Variants in MANSC1 observed in about 807,000 individuals in gnomAD.
MANSC1 encodes the protein MANSC domain-containing protein 1.
MANSC1 carries 13 observed loss-of-function variants against 14.1 expected under a neutral mutation model. That is an observed-to-expected ratio of 0.92 (90% CI 0.60 to 1.46). MANSC1 has a LOEUF of 1.46. MANSC1 is among the 40% of genes most tolerant of loss of function. The pLI is 0.00. For synonymous variants in MANSC1, 227 were observed against 200.7 expected, an observed-to-expected ratio of 1.13 and a Z score of -1.11; for missense variants, 486 against 511.4, an observed-to-expected ratio of 0.95 and a Z score of 0.48.
chr12:12,330,637 G>A lies in MANSC1; in HGVS notation c.686C>T (p.Thr229Met), dbSNP rs756359425. ...GGTATGTGGAGAAGCAACTGCCACC[G>A]TAGCTGGGAGCGCACTCACATTTTC... ...LPENVSALPA[T>M]VAVASPHTTS... Residue 229 changes from threonine to methionine, a missense_variant, in exon 4 of 4, where the codon ACG becomes ATG. By Grantham distance (81) the Thr-to-Met change is moderately conservative. Coordinates refer to ENST00000535902, the MANE Select transcript of MANSC1 (RefSeq NM_018050.4). 29 of 1,614,144 alleles carry A rather than the reference G, an allele frequency of 1.8e-5. No individual in the cohort carries two copies. Among genetic ancestry groups the A allele is most frequent in the South Asian group, 9.9e-5 (9 of 91,092 alleles).
Position 12,330,007 on chromosome 12 carries a change from A to C in MANSC1, c.*20T>G. 1 of 1,598,186 alleles carries C rather than the reference A, an allele frequency of 6.3e-7. No homozygotes were observed. Among genetic ancestry groups the C allele is most frequent in the Non-Finnish European group, 8.5e-7 (1 of 1,169,942 alleles). ...GGGCTTCTGGTTACTAAATGAATTA[A>C]GAGACACCGAGTTCCATCCTTAGAT... On this transcript the variant is annotated 3_prime_UTR_variant, in exon 4 of 4. Transcript: ENST00000535902.
intron 1 of MANSC1, among the ~76,000 whole-genome samples, chr12:12,344,934 T>TATATATATATATAC (rs1862988669): frequency 2.8e-5 from 2 of 72,502 alleles, no homozygotes; most frequent in Admixed American, 1.3e-4. Flanking sequence ...TATATATATA[T>TATATATATATATAC]ATATATATAT....
At chr12:12,349,517 C>A (rs1186009398) in intron 1 of MANSC1, among the ~76,000 whole-genome samples, 4 of 152,064 alleles carry the variant, frequency 2.6e-5, no homozygotes, top group Non-Finnish European at 5.9e-5. Flanking sequence ...GGCCTGAAGT[C>A]GAGTTGAATC....
At chr12:12,342,998 G>T in intron 2 of MANSC1, 94 bp downstream of exon 2, 1 of 862,518 alleles carries the variant, frequency 1.2e-6, no homozygotes, top group Non-Finnish European at 1.9e-6. Context: ...ATACCCTGTC[G>T]AGAATCACTG....
chr12:12,338,890 A>AACACACACACACACACACACACACAC (rs56183211), intron 2 of MANSC1: 19 of 193,016 alleles, frequency 9.8e-5, no homozygotes, highest in African/African-American at 2.0e-4. Context: ...CACACACACA[A>AACACACACACACACACACACACACAC]ACACACACAC....
rs558033473 is a variant in MANSC1 at position 12,343,362 on chromosome 12, C to T, written c.-48G>A. ...GTCTTCAAAGGTCAAGGATAATCCT[C>T]CCTCTGGTCTTAGTTTGCTTTAAGA... On this transcript the variant is annotated 5_prime_UTR_variant, in exon 2 of 4. Transcript: ENST00000535902. 1 of 1,364,600 alleles carries T rather than the reference C, an allele frequency of 7.3e-7. No individual in the cohort carries two copies. The highest frequency in any genetic ancestry group is 1.2e-5 in the South Asian group (1 of 84,134). 84.5% of individuals were successfully genotyped at this position (1,364,600 alleles called of 1,614,324 possible). A position where few individuals can be genotyped will look rare whatever the true frequency, so the allele number is the denominator to read the frequency against.
At position 12,326,160 on chromosome 12, in the gene MANSC1, C is replaced by G. The variant is rs1862696233; in HGVS notation, c.*3867G>C. 1 of 152,170 alleles carries G rather than the reference C, an allele frequency of 6.6e-6. No homozygotes were observed. Among genetic ancestry groups the G allele is most frequent in the African/African-American group, 2.4e-5 (1 of 41,434 alleles). The allele number at this position is 152,170 out of a possible 1,614,324, so 9.4% of individuals were successfully genotyped here. On this transcript the variant is annotated 3_prime_UTR_variant, in exon 4 of 4. Transcript: ENST00000535902. ...TAACCAAGGCATCCCGGAGACTGGA[C>G]TCTTCCTGTACCCACTGCCACGCTC... is the stretch of plus-strand genomic sequence containing the variant.
At position 12,343,301 on chromosome 12, in the gene MANSC1, C is replaced by T; in HGVS notation, c.14G>A (p.Gly5Glu). 1 of 1,613,212 alleles carries T rather than the reference C, an allele frequency of 6.2e-7. No homozygotes were observed. Among genetic ancestry groups the T allele is most frequent in the East Asian group, 2.2e-5 (1 of 44,864 alleles). The change falls in exon 2 of 4, where the codon GGA becomes GAA. Residue 5 changes from glycine to glutamate, a missense_variant. Coordinates refer to ENST00000535902, the MANE Select transcript of MANSC1 (RefSeq NM_018050.4). MFFG[G>E]EGSLTYTLVI... The stretch of plus-strand genomic sequence containing the variant: ...CAAAGTGTAAGTCAAGCTCCCTTCT[C>T]CCCCGAAGAACATTTTAAATTTCAG...
intron 1 of MANSC1, among the ~76,000 whole-genome samples, chr12:12,346,021 C>T (rs528424914): frequency 6.6e-6 from 1 of 152,294 alleles, no homozygotes; most frequent in Non-Finnish European, 1.5e-5. Flanking sequence ...AGCCTGTAAT[C>T]CCAGCACTTT....
At chr12:12,345,951 G>A (rs1863004005) in intron 1 of MANSC1, among the ~76,000 whole-genome samples, 1 of 152,216 alleles carries the variant, frequency 6.6e-6, no homozygotes, top group African/African-American at 2.4e-5. Flanking sequence ...ACATGTTCAT[G>A]GATAGGAAGA....
At position 12,326,540 on chromosome 12, in the gene MANSC1, A is replaced by C. The variant is rs1862705890; in HGVS notation, c.*3487T>G. On this transcript the variant is annotated 3_prime_UTR_variant, in exon 4 of 4. Coordinates refer to ENST00000535902, the MANE Select transcript of MANSC1 (RefSeq NM_018050.4). The stretch of plus-strand genomic sequence containing the variant: ...AAGTTCCTCACTCAGGCCAGGGGTA[A>C]TTGAGAAACAGGCACATAACAGTAT... 2 of 152,216 alleles carry C rather than the reference A, an allele frequency of 1.3e-5. No individual in the cohort carries two copies. Among genetic ancestry groups the C allele is most frequent in the South Asian group, 4.1e-4 (2 of 4,820 alleles). 9.4% of individuals were successfully genotyped at this position (152,216 alleles called of 1,614,324 possible).
At chr12:12,346,166 G>A (rs1475309452) in intron 1 of MANSC1, among the ~76,000 whole-genome samples, 1 of 142,808 alleles carries the variant, frequency 7.0e-6, no homozygotes. Context: ...CCAGCTACTC[G>A]GGAGGCTGAG....
intron 2 of MANSC1, 158 bp from the exon 3 acceptor site, chr12:12,338,718 C>T: frequency 1.4e-6 from 1 of 693,822 alleles, no homozygotes. Flanking sequence ...TTTTCCTTAG[C>T]TTAGTTGCTT....
At chr12:12,347,290 A>G (rs150498630) in intron 1 of MANSC1, among the ~76,000 whole-genome samples, 1 of 152,194 alleles carries the variant, frequency 6.6e-6, no homozygotes, top group African/African-American at 2.4e-5. Flanking sequence ...TTAGATTCTC[A>G]TAAGGAGTGT....
chr12:12,335,267 T>C (rs889240281), intron 3 of MANSC1, among the ~76,000 whole-genome samples: 5 of 151,938 alleles, frequency 3.3e-5, no homozygotes, highest in African/African-American at 1.2e-4. Flanking sequence ...AACCAGTCTT[T>C]CCATTTCCAC....
At chr12:12,341,278 C>A (rs1254405482) in intron 2 of MANSC1, among the ~76,000 whole-genome samples, 1 of 152,174 alleles carries the variant, frequency 6.6e-6, no homozygotes, top group Non-Finnish European at 1.5e-5. Flanking sequence ...ATAAGGGATA[C>A]AAATGAACAG....
intron 2 of MANSC1, chr12:12,338,981 C>G (rs949092346): frequency 5.4e-6 from 1 of 184,492 alleles, no homozygotes; most frequent in South Asian, 1.0e-4. Flanking sequence ...AGAGGCAGCC[C>G]GAGTATCCCG....
At chr12:12,348,928 C>T (rs1271680598) in intron 1 of MANSC1, among the ~76,000 whole-genome samples, 2 of 152,140 alleles carry the variant, frequency 1.3e-5, no homozygotes, top group Non-Finnish European at 2.9e-5. Flanking sequence ...TTAAAACTTA[C>T]AAAAAGTTGT....
chr12:12,330,591 G>A lies in MANSC1; in HGVS notation c.732C>T (p.Pro244=), dbSNP rs889520992. Residue 244 remains proline, a synonymous_variant, in exon 4 of 4, where the codon CCC becomes CCT. Coordinates refer to ENST00000535902, the MANE Select transcript of MANSC1 (RefSeq NM_018050.4). ...SPHTTSATPK[P]ATLLPTNASV... is the part of the protein sequence containing the mutation. Reference sequence around the variant, plus strand: ...AAGCATTGGTGGGTAGAAGGGTGGCGGGCTTTGGAGTAGCCGAGGTGGTAT... The same window carrying A: ...AAGCATTGGTGGGTAGAAGGGTGGCAGGCTTTGGAGTAGCCGAGGTGGTAT... 8.7e-6 allele frequency: 14 copies of A among 1,614,192 alleles called. No individual in the cohort carries two copies. The highest frequency in any genetic ancestry group is 1.2e-5 in the Non-Finnish European group (14 of 1,180,042).
Sources: gnomAD v4.1 joint callset for allele counts (sites outside exome capture counted in the v4.1 genomes callset) on GRCh38, gnomAD v4.1.1 for gene constraint, MANE v1.5 for transcripts, NCBI Gene and HGNC (gene_info 2026-07-23, HGNC 2026-07-21) for gene names.